The following CHODL variants were observed in gnomAD, a reference collection of about 807,000 sequenced individuals.
CHODL encodes transmembrane protein MT75.
Under a neutral mutation model 34.5 loss-of-function variants are expected in CHODL, and 29 were observed. That is an observed-to-expected ratio of 0.84 (90% confidence interval 0.63 to 1.15). CHODL has a LOEUF of 1.15. CHODL is among the 50% of genes most tolerant of loss of function. CHODL has a pLI of 0.00. For synonymous variants in CHODL, 125 were observed against 116.1 expected (o/e 1.08, Z -0.49); for missense variants, 332 against 332.5 (o/e 1.00, Z 0.01).
intron 1 of CHODL, among the ~76,000 whole-genome samples, chr21:18,253,820 G>T (rs1385987026): frequency 1.3e-5 from 2 of 152,036 alleles, no homozygotes; most frequent in Admixed American, 6.6e-5. Context: ...AATTTGGGCA[G>T]CCTGTTAATT....
chr21:18,229,168 G>A (rs2073956853), intron 2 of CHODL, among the ~76,000 whole-genome samples: 1 of 152,130 alleles, frequency 6.6e-6, no homozygotes, highest in Non-Finnish European at 1.5e-5. Context: ...AGTATAAAGA[G>A]GGCAGTATCA....
chr21:18,095,212 C>A (rs377698798), intron 2 of CHODL, among the ~76,000 whole-genome samples: 1 of 151,328 alleles, frequency 6.6e-6, no homozygotes, highest in Non-Finnish European at 1.5e-5. Context: ...ATCAATGGAC[C>A]AAAAATTTGG....
chr21:18,167,209 C>CTGTGTGTGTGTGTGTG (rs769948179), intron 2 of CHODL, among the ~76,000 whole-genome samples: 1 of 129,070 alleles, frequency 7.7e-6, no homozygotes, highest in Non-Finnish European at 1.7e-5. Flanking sequence ...ATTTCTCTCT[C>CTGTGTGTGTGTGTGTG]TCTGTGTGTG....
At chr21:18,072,717 A>G (rs1194324333) in intron 2 of CHODL, among the ~76,000 whole-genome samples, 5 of 152,094 alleles carry the variant, frequency 3.3e-5, no homozygotes, top group African/African-American at 9.7e-5. Flanking sequence ...GACCATCTAG[A>G]CACAAGCTTG....
At chr21:17,987,297 C>A (rs888958106) in intron 1 of CHODL, among the ~76,000 whole-genome samples, 1 of 152,116 alleles carries the variant, frequency 6.6e-6, no homozygotes, top group African/African-American at 2.4e-5. Context: ...TTTTTAGTGA[C>A]ATATAGAAAC....
intron 2 of CHODL, among the ~76,000 whole-genome samples, chr21:18,098,012 C>T (rs1483520543): frequency 6.6e-6 from 1 of 151,910 alleles, no homozygotes; most frequent in Admixed American, 6.6e-5. Context: ...ACTGGCTATG[C>T]AAAAAATTGA....
intron 2 of CHODL, among the ~76,000 whole-genome samples, chr21:18,109,795 G>A (rs2065324576): frequency 6.6e-6 from 1 of 152,090 alleles, no homozygotes; most frequent in Non-Finnish European, 1.5e-5. Context: ...GATAAAATAA[G>A]TATTCTTTTC....
At chr21:18,058,709 G>A (rs1019897369) in intron 2 of CHODL, among the ~76,000 whole-genome samples, 3 of 151,998 alleles carry the variant, frequency 2.0e-5, no homozygotes, top group African/African-American at 7.3e-5. Flanking sequence ...ACTTTTTTTG[G>A]TTATAATCTT....
intron 1 of CHODL, among the ~76,000 whole-genome samples, chr21:17,929,086 A>G (rs987879221): frequency 1.1e-4 from 17 of 152,228 alleles, no homozygotes; most frequent in African/African-American, 3.6e-4. Flanking sequence ...GACAGCCAAC[A>G]TATTCAGTCA....
chr21:18,003,439 T>C (rs1278192154), intron 1 of CHODL, among the ~76,000 whole-genome samples: 1 of 150,526 alleles, frequency 6.6e-6, no homozygotes, highest in Non-Finnish European at 1.5e-5. Context: ...AAATATAATA[T>C]TAAAAATGAA....
At chr21:18,083,726 T>C (rs984627398) in intron 2 of CHODL, among the ~76,000 whole-genome samples, 24 of 152,212 alleles carry the variant, frequency 1.6e-4, no homozygotes, top group African/African-American at 5.3e-4. Flanking sequence ...ATGGGGCATG[T>C]GGCCCTTTGT....
At chr21:18,260,138 A>G (rs542017293) in intron 3 of CHODL, 62 bp from the exon 4 acceptor site, 1 of 651,962 alleles carries the variant, frequency 1.5e-6, no homozygotes, top group South Asian at 4.1e-5. Flanking sequence ...TTTCATATTT[A>G]TATATATTTT....
intron 2 of CHODL, among the ~76,000 whole-genome samples, chr21:18,141,301 T>A (rs1486392536): frequency 6.6e-6 from 1 of 151,870 alleles, no homozygotes; most frequent in East Asian, 1.9e-4. Context: ...TATATAAAAT[T>A]AAATAAAATA....
chr21:18,228,430 G>A (rs1185166195), intron 2 of CHODL, among the ~76,000 whole-genome samples: 1 of 152,014 alleles, frequency 6.6e-6, no homozygotes, highest in African/African-American at 2.4e-5. Context: ...TATCTTAATG[G>A]CTGCATCATG....
At chr21:18,076,772 C>T (rs1222500416) in intron 2 of CHODL, among the ~76,000 whole-genome samples, 1 of 152,228 alleles carries the variant, frequency 6.6e-6, no homozygotes, top group Non-Finnish European at 1.5e-5. Flanking sequence ...GGTGGAGCCA[C>T]TGGAGAGAGC....
intron 2 of CHODL, among the ~76,000 whole-genome samples, chr21:18,137,679 C>G (rs2072750567): frequency 6.6e-6 from 1 of 152,112 alleles, no homozygotes; most frequent in South Asian, 2.1e-4. Context: ...CAGATGCTGC[C>G]TTTGCCTGGA....
At chr21:17,957,869 A>G (rs1226303186) in intron 1 of CHODL, among the ~76,000 whole-genome samples, 4 of 151,554 alleles carry the variant, frequency 2.6e-5, no homozygotes, top group African/African-American at 9.7e-5. Flanking sequence ...GTTTGACCTT[A>G]CCTTTTAGGC....
chr21:18,212,479 A>G (rs1193439021), intron 2 of CHODL, among the ~76,000 whole-genome samples: 2 of 152,120 alleles, frequency 1.3e-5, no homozygotes, highest in African/African-American at 4.8e-5. Flanking sequence ...AAGCAGTACA[A>G]ACATGCATTT....
At chr21:17,921,219 G>T (rs2063181194) in intron 1 of CHODL, among the ~76,000 whole-genome samples, 1 of 152,198 alleles carries the variant, frequency 6.6e-6, no homozygotes, top group African/African-American at 2.4e-5. Flanking sequence ...AAGGTAGTTT[G>T]CTGAAGAATT....
Sources: gnomAD v4.1 joint callset for allele counts (sites outside exome capture counted in the v4.1 genomes callset) on GRCh38, gnomAD v4.1.1 for gene constraint, MANE v1.5 for transcripts, NCBI Gene and HGNC (gene_info 2026-07-23, HGNC 2026-07-21) for gene names.